The following BRINP2 variants were observed in gnomAD, a reference collection of about 807,000 sequenced individuals.
BRINP2 encodes the protein BMP/retinoic acid inducible neural specific 2, also known as BMP/retinoic acid-inducible neural-specific protein 2.
Under a neutral mutation model 69.2 loss-of-function variants are expected in BRINP2, and 21 were observed. The ratio of observed to expected loss-of-function variants is 0.30; its 90% CI spans 0.22 to 0.44. The LOEUF (loss-of-function observed/expected upper bound fraction) is 0.44, where lower values mean the gene tolerates loss of function less well. BRINP2 is among the 20% of genes least tolerant of loss of function. The pLI is 1.00. For synonymous variants in BRINP2, 380 were observed against 394.1 expected (o/e 0.96, Z 0.42); for missense variants, 877 against 986.0 (o/e 0.89, Z 1.48).
In BRINP2 at chr1:177,251,163, C is replaced by T. The variant is rs192380839; in HGVS notation, c.270-4756C>T. Among the ~76,000 whole-genome samples, 62 of 152,258 alleles carry T rather than the reference C, an allele frequency of 4.1e-4. No individual in the cohort carries two copies. The East Asian group carries it at 9.1e-3, about 22-fold the overall frequency. The stretch of plus-strand genomic sequence containing the variant: ...TGGACTTAGGCCTTTATCTGTGATT[C>T]CTCCCATGTACTCTCTGTATGGACT... On this transcript the variant is annotated intron_variant, in intron 2 of 7. Coordinates refer to ENST00000361539, the MANE Select transcript of BRINP2 (RefSeq NM_021165.4).
At chr1:177,209,946 T>C (rs1473760380) in intron 1 of BRINP2, among the ~76,000 whole-genome samples, 1 of 152,230 alleles carries the variant, frequency 6.6e-6, no homozygotes, top group Non-Finnish European at 1.5e-5. Context: ...CAATTATTAA[T>C]ATAAATTCAT....
chr1:177,239,907 T>A (rs1218320090), intron 2 of BRINP2, among the ~76,000 whole-genome samples: 1 of 152,220 alleles, frequency 6.6e-6, no homozygotes, highest in East Asian at 1.9e-4. Flanking sequence ...TGCTCTATGA[T>A]CCTGCCACCC....
At chr1:177,203,480 A>G (rs1427536419) in intron 1 of BRINP2, among the ~76,000 whole-genome samples, 3 of 152,266 alleles carry the variant, frequency 2.0e-5, no homozygotes, top group South Asian at 2.1e-4. Flanking sequence ...AAGTATAATA[A>G]CGATAAAAAA....
At position 177,201,440 on chromosome 1, in the gene BRINP2, G is replaced by A. The variant is rs1458138744; in HGVS notation, c.-76-28361G>A. ...GTTTTCTCTTGAGGCCCAAAAATGA[G>A]TCCTTGCCTGTCACTGGAAGTCAAA... On this transcript the variant is annotated intron_variant, in intron 1 of 7. Coordinates refer to ENST00000361539, the MANE Select transcript of BRINP2 (RefSeq NM_021165.4). Among the ~76,000 whole-genome samples, 3 of 152,202 alleles carry A rather than the reference G, an allele frequency of 2.0e-5. No individual in the cohort carries two copies. The East Asian group carries it at 5.8e-4, about 29-fold the overall frequency.
At chr1:177,250,267 T>G (rs1650538529) in intron 2 of BRINP2, among the ~76,000 whole-genome samples, 1 of 152,142 alleles carries the variant, frequency 6.6e-6, no homozygotes, top group African/African-American at 2.4e-5. Context: ...AGATTTGGGT[T>G]TTTTTGTTTG....
chr1:177,218,933 T>C (rs1649449254), intron 1 of BRINP2, among the ~76,000 whole-genome samples: 1 of 152,222 alleles, frequency 6.6e-6, no homozygotes. Flanking sequence ...TCACTTCAAC[T>C]TGCCATTATC....
intron 1 of BRINP2, among the ~76,000 whole-genome samples, chr1:177,226,280 A>G (rs1649688037): frequency 1.3e-5 from 2 of 152,206 alleles, no homozygotes; most frequent in Admixed American, 1.3e-4. Context: ...AATGAAATGC[A>G]TGGAATTGAT....
chr1:177,244,936 C>G (rs1438818882), intron 2 of BRINP2, among the ~76,000 whole-genome samples: 1 of 152,068 alleles, frequency 6.6e-6, no homozygotes, highest in East Asian at 1.9e-4. Flanking sequence ...GTCACAAAGC[C>G]AAACCCAATA....
chr1:177,199,640 A>G (rs1352951294), intron 1 of BRINP2, among the ~76,000 whole-genome samples: 6 of 152,206 alleles, frequency 3.9e-5, no homozygotes, highest in Admixed American at 6.5e-5. Context: ...TTTCAGGGTG[A>G]AAAGAACTTC....
intron 4 of BRINP2, among the ~76,000 whole-genome samples, chr1:177,264,965 A>C (rs531970670): frequency 8.5e-5 from 13 of 152,350 alleles, no homozygotes; most frequent in African/African-American, 2.9e-4. Context: ...TTTAAATTTC[A>C]TATGGAAACA....
rs565591309 is a variant in BRINP2, at chr1:177,264,989, G to A, written c.669+7605G>A. Among the ~76,000 whole-genome samples, 29 of 152,188 alleles carry A rather than the reference G, an allele frequency of 1.9e-4. No homozygotes were observed. The South Asian group carries it at 4.4e-3, about 23-fold the overall frequency. On this transcript the variant is annotated intron_variant, in intron 4 of 7. Transcript: ENST00000361539. ...CATATGGAAACAAAATAGAGCCCGC[G>A]TAGCCAAGACAATCCTAAGTAAAAA...
At chr1:177,175,161 CAGG>C (rs1648050621) in intron 1 of BRINP2, among the ~76,000 whole-genome samples, 1 of 152,192 alleles carries the variant, frequency 6.6e-6, no homozygotes, top group Non-Finnish European at 1.5e-5. Flanking sequence ...TAGCAGCGAG[CAGG>C]AGATTTTCAA....
At chr1:177,216,261 G>GTGCATCTCCTATAGATTT (rs1649372117) in intron 1 of BRINP2, among the ~76,000 whole-genome samples, 1 of 151,772 alleles carries the variant, frequency 6.6e-6, no homozygotes, top group African/African-American at 2.4e-5. Context: ...CTTTTGTTTT[G>GTGCATCTCCTATAGATTT]TGCATCTCCT....
chr1:177,277,023 T>A (rs1651521599), intron 6 of BRINP2, among the ~76,000 whole-genome samples: 1 of 152,200 alleles, frequency 6.6e-6, no homozygotes, highest in Non-Finnish European at 1.5e-5. Flanking sequence ...TCACATGAGA[T>A]CATGTAGATG....
intron 1 of BRINP2, among the ~76,000 whole-genome samples, chr1:177,197,355 T>C (rs1479729555): frequency 6.6e-6 from 1 of 152,064 alleles, no homozygotes; most frequent in East Asian, 1.9e-4. Flanking sequence ...AGTTAAACCA[T>C]TGATGAAGGA....
At position 177,254,679 on chromosome 1, in the gene BRINP2, G is replaced by A. The variant is rs182328670; in HGVS notation, c.270-1240G>A. On this transcript the variant is annotated intron_variant, in intron 2 of 7. Coordinates refer to ENST00000361539, the MANE Select transcript of BRINP2 (RefSeq NM_021165.4). The stretch of plus-strand genomic sequence containing the variant: ...GTGATTATTCAGACTTGAGTGTCTA[G>A]CAGGTGTTTCTCAAAAAAAAAAAAT... 4.6e-3 allele frequency among the ~76,000 whole-genome samples: 661 copies of A among 142,266 alleles called. 6 individuals are homozygous for A. Among genetic ancestry groups the A allele is most frequent in the African/African-American group, 0.017 (640 of 36,616 alleles). 93.3% of individuals were successfully genotyped at this position (142,266 alleles called of 152,430 possible). A position where few individuals can be genotyped will look rare whatever the true frequency, so the allele number is the denominator to read the frequency against.
At chr1:177,200,147 C>A (rs916686488) in intron 1 of BRINP2, among the ~76,000 whole-genome samples, 1 of 151,434 alleles carries the variant, frequency 6.6e-6, no homozygotes, top group South Asian at 2.1e-4. Context: ...ACAAAATGAG[C>A]CACATGTGGT....
chr1:177,180,469 G>T lies in BRINP2; in HGVS notation c.-77+8737G>T, dbSNP rs189279439. On this transcript the variant is annotated intron_variant, in intron 1 of 7. Transcript: ENST00000361539. ...TTGCACAAAAATTGTAAAGATTAAA[G>T]ACAATGATTGACAAATAGCAGAGTT... Among the ~76,000 whole-genome samples, 57 of 152,332 alleles carry T rather than the reference G, an allele frequency of 3.7e-4. 2 individuals carry two copies. Among genetic ancestry groups the T allele is most frequent in the Middle Eastern group, 3.4e-3 (1 of 294 alleles).
At chr1:177,201,492 C>T (rs1209035000) in intron 1 of BRINP2, among the ~76,000 whole-genome samples, 3 of 152,170 alleles carry the variant, frequency 2.0e-5, no homozygotes, top group Non-Finnish European at 4.4e-5. Flanking sequence ...TTTTGTCAGC[C>T]TTCATAGTAA....
Sources: gnomAD v4.1 joint callset for allele counts (sites outside exome capture counted in the v4.1 genomes callset) on GRCh38, gnomAD v4.1.1 for gene constraint, MANE v1.5 for transcripts, NCBI Gene and HGNC (gene_info 2026-07-23, HGNC 2026-07-21) for gene names.